The following MSH3 variants were observed in gnomAD, a reference collection of about 807,000 sequenced individuals.
MSH3 encodes mutS homolog 3.
A neutral mutation model predicts 123.3 loss-of-function variants in MSH3; 106 were observed. The observed-to-expected ratio is 0.86, with a 90% confidence interval of 0.73 to 1.01. MSH3 has a LOEUF of 1.01. Ranked by LOEUF, MSH3 falls within the 50% of genes least tolerant of loss-of-function variation. The pLI is 0.00. For synonymous variants in MSH3, 515 were observed against 481.4 expected (o/e 1.07, Z -0.91); for missense variants, 1,459 against 1,347.6 (o/e 1.08, Z -1.29).
At chr5:80,765,604 C>G (rs1744109033) in intron 13 of MSH3, among the ~76,000 whole-genome samples, 1 of 152,170 alleles carries the variant, frequency 6.6e-6, no homozygotes, top group Non-Finnish European at 1.5e-5. Flanking sequence ...TTTCTCATCT[C>G]AAGACAGTTC....
intron 22 of MSH3, among the ~76,000 whole-genome samples, chr5:80,868,886 C>T (rs929776631): frequency 1.3e-5 from 2 of 152,062 alleles, no homozygotes; most frequent in Non-Finnish European, 2.9e-5. Flanking sequence ...TGCTCCACTG[C>T]CTGCTGCCTT....
In MSH3 at chr5:80,823,681, T is replaced by C. The variant is rs117930281; in HGVS notation, c.2813+9940T>C. Among the ~76,000 whole-genome samples, 683 of 152,188 alleles carry C rather than the reference T, an allele frequency of 4.5e-3. 18 individuals carry two copies. In the East Asian group the frequency reaches 0.079, roughly 18 times the overall value. ...GATGCCTGAACCCTACCTCCAGAAA[T>C]CTTTTTTTGTTTTGTTTTGTTTTGT... is the stretch of plus-strand genomic sequence containing the variant. On this transcript the variant is annotated intron_variant, in intron 20 of 23. Transcript: ENST00000265081.
At chr5:80,838,542 G>A (rs896219215) in intron 20 of MSH3, among the ~76,000 whole-genome samples, 2 of 152,178 alleles carry the variant, frequency 1.3e-5, no homozygotes, top group South Asian at 2.1e-4. Flanking sequence ...AGAAGTAATT[G>A]AAAAGTTTTC....
chr5:80,828,372 C>T (rs749936674), intron 20 of MSH3, among the ~76,000 whole-genome samples: 20 of 152,112 alleles, frequency 1.3e-4, no homozygotes, highest in Non-Finnish European at 2.8e-4. Context: ...AGGGCAGAGC[C>T]CTGATGACCC....
intron 20 of MSH3, among the ~76,000 whole-genome samples, chr5:80,852,458 C>T (rs1388893676): frequency 1.3e-5 from 2 of 152,198 alleles, no homozygotes; most frequent in Non-Finnish European, 2.9e-5. Flanking sequence ...TTTCTGTCAG[C>T]TCACATCCTG....
intron 20 of MSH3, among the ~76,000 whole-genome samples, chr5:80,828,486 G>A (rs1745359897): frequency 6.6e-6 from 1 of 152,102 alleles, no homozygotes; most frequent in South Asian, 2.1e-4. Flanking sequence ...TCTGCCCCTG[G>A]CCCCCACAAA....
chr5:80,846,075 C>T (rs922101697), intron 20 of MSH3, among the ~76,000 whole-genome samples: 8 of 152,140 alleles, frequency 5.3e-5, no homozygotes, highest in African/African-American at 1.9e-4. Context: ...TGGTGACCTA[C>T]AGGTGGCATT....
chr5:80,811,550 T>A (rs1489178362), intron 19 of MSH3, among the ~76,000 whole-genome samples: 1 of 152,168 alleles, frequency 6.6e-6, no homozygotes, highest in Non-Finnish European at 1.5e-5. Flanking sequence ...TTTGATAAGA[T>A]ATCCAAATCT....
chr5:80,706,859 T>A (rs1750735388), intron 8 of MSH3, among the ~76,000 whole-genome samples: 1 of 152,224 alleles, frequency 6.6e-6, no homozygotes, highest in Non-Finnish European at 1.5e-5. Flanking sequence ...GTTTTATTTT[T>A]AATCAATTTT....
chr5:80,761,359 C>T (rs541712094), intron 12 of MSH3, among the ~76,000 whole-genome samples, 187 bp from the exon 13 acceptor site: 1 of 152,284 alleles, frequency 6.6e-6, no homozygotes, highest in East Asian at 1.9e-4. Context: ...GTGCACCCTC[C>T]TCTCAATGCA....
intron 12 of MSH3, among the ~76,000 whole-genome samples, chr5:80,755,862 C>G (rs953742571): frequency 6.6e-5 from 10 of 152,130 alleles, no homozygotes. Context: ...GTGACAAATA[C>G]GTCTTGACCT....
Position 80,761,657 on chromosome 5 carries a change from C to A in MSH3, c.1875C>A (p.Leu625=), listed in dbSNP as rs1561469134. The stretch of plus-strand genomic sequence containing the variant: ...AATTGCCCGACATAGAGAGGGGACT[C>A]TGTAGCATTTATCACAAAAAAGTAA... The part of the protein sequence containing the change: ...LRKLPDIERG[L]CSIYHKKCST... Residue 625 remains leucine, a synonymous_variant, in exon 13 of 24, where the codon CTC becomes CTA. Coordinates refer to ENST00000265081, the MANE Select transcript of MSH3 (RefSeq NM_002439.5). 8 of 1,614,074 alleles carry A rather than the reference C, an allele frequency of 5.0e-6. No homozygotes were observed. In the South Asian group the frequency reaches 7.7e-5, roughly 16 times the overall value.
intron 17 of MSH3, among the ~76,000 whole-genome samples, chr5:80,779,612 G>A (rs1049657404): frequency 1.0e-4 from 15 of 147,486 alleles, no homozygotes; most frequent in Admixed American, 3.4e-4. Flanking sequence ...GTGCAGTGGC[G>A]CAATCTTGGC....
intron 8 of MSH3, among the ~76,000 whole-genome samples, chr5:80,690,205 G>A (rs1182403844): frequency 6.6e-6 from 1 of 152,040 alleles, no homozygotes; most frequent in African/African-American, 2.4e-5. Flanking sequence ...AGGCATGAGC[G>A]ACTGCATTTA....
chr5:80,774,532 C>G (rs1430051724), intron 15 of MSH3, among the ~76,000 whole-genome samples: 2 of 152,070 alleles, frequency 1.3e-5, no homozygotes, highest in South Asian at 2.1e-4. Context: ...CAGCACTATT[C>G]ACAACAGCTA....
intron 8 of MSH3, among the ~76,000 whole-genome samples, chr5:80,712,428 A>G (rs138475762): frequency 5.9e-5 from 9 of 152,068 alleles, no homozygotes; most frequent in African/African-American, 2.2e-4. Flanking sequence ...TTTTATTCGA[A>G]TTTTATTTTT....
intron 21 of MSH3, 28 bp downstream of exon 21, chr5:80,854,344 A>G: frequency 1.3e-6 from 2 of 1,587,142 alleles, no homozygotes; most frequent in South Asian, 2.2e-5. Context: ...TGTATTTAAA[A>G]AGAAATTAAT....
intron 3 of MSH3, among the ~76,000 whole-genome samples, chr5:80,667,275 A>G (rs1313632942): frequency 1.3e-5 from 2 of 152,252 alleles, no homozygotes; most frequent in Non-Finnish European, 2.9e-5. Context: ...TATACTACAT[A>G]GTATATACCT....
chr5:80,753,513 A>G (rs1743873047), intron 12 of MSH3, among the ~76,000 whole-genome samples: 1 of 152,124 alleles, frequency 6.6e-6, no homozygotes, highest in Non-Finnish European at 1.5e-5. Flanking sequence ...TTTATGCTCT[A>G]AACTTGACTA....
Sources: allele counts gnomAD v4.1 joint callset (sites outside exome capture counted in the v4.1 genomes callset), GRCh38; gene constraint gnomAD v4.1.1; transcripts MANE v1.5; gene names NCBI Gene and HGNC (gene_info 2026-07-23, HGNC 2026-07-21).